Variants in TENM3 observed in about 807,000 individuals in gnomAD.
The protein encoded by TENM3 is teneurin transmembrane protein 3, also known as teneurin-3.
TENM3 carries 63 observed loss-of-function variants against 255.1 expected under a neutral mutation model. The observed-to-expected ratio is 0.25, with a 90% CI of 0.20 to 0.30. The LOEUF (loss-of-function observed/expected upper bound fraction) is 0.30, where lower values mean the gene tolerates loss of function less well. Among genes scored for constraint, TENM3 ranks in the 10% least tolerant of loss-of-function variants. The pLI is 1.00. For missense variants in TENM3, 2,929 were observed against 3,461.1 expected, an observed-to-expected ratio of 0.85 and a Z score of 3.86; for synonymous variants, 1,306 against 1,322.3, an observed-to-expected ratio of 0.99 and a Z score of 0.27.
chr4:182,386,307 G>A (rs72699952), intron 3 of TENM3, among the ~76,000 whole-genome samples: 12,660 of 152,272 alleles, frequency 0.083, 786 homozygotes, highest in African/African-American at 0.18. Context: ...ACACAGAAGG[G>A]ACAAGAAGTT....
intron 1 of TENM3, among the ~76,000 whole-genome samples, chr4:182,231,877 T>G (rs1452205107): frequency 1.3e-5 from 2 of 152,178 alleles, no homozygotes; most frequent in Non-Finnish European, 2.9e-5. Context: ...GATCTGGGTG[T>G]GAGATGAATC....
intron 1 of TENM3, among the ~76,000 whole-genome samples, chr4:182,155,282 A>G (rs1454453335): frequency 3.9e-5 from 6 of 152,152 alleles, no homozygotes. Context: ...GTTCACTATA[A>G]AAATTGCAAA....
rs368448425 is a variant in TENM3, at chr4:182,797,205, C to T, written c.7344+438C>T. 2.2e-4 allele frequency among the ~76,000 whole-genome samples: 33 copies of T among 152,150 alleles called. No individual in the cohort carries two copies. In the East Asian group the frequency reaches 3.5e-3, roughly 16 times the overall value. On this transcript the variant is annotated intron_variant, in intron 27 of 27. Coordinates refer to ENST00000511685, the MANE Select transcript of TENM3 (RefSeq NM_001080477.4). ...CTGTAATCCCAGCACTTTGGGAGGC[C>T]GAGGAGGTCGGATCACCTGAGGTCG...
At chr4:182,693,557 T>A (rs938539157) in intron 12 of TENM3, among the ~76,000 whole-genome samples, 2 of 152,154 alleles carry the variant, frequency 1.3e-5, no homozygotes, top group Non-Finnish European at 2.9e-5. Flanking sequence ...CAGGCTGGTG[T>A]CGAATTCCTG....
chr4:182,339,413 CTTAGCTCCCTCTT>C (rs1440622994), intron 2 of TENM3, among the ~76,000 whole-genome samples: 1 of 152,212 alleles, frequency 6.6e-6, no homozygotes, highest in Non-Finnish European at 1.5e-5. Flanking sequence ...TGGTTTTCCT[CTTAGCTCCCTCTT>C]TTAGCTCCCC....
chr4:181,849,949 T>TCTCTCTCTCTCACACAGACACA, the TENM3 span, among the ~76,000 whole-genome samples: 1 of 65,906 alleles, frequency 1.5e-5, no homozygotes, highest in African/African-American at 4.4e-5. Context: ...TCTCTCTCTC[T>TCTCTCTCTCTCACACAGACACA]CACACACACA....
At chr4:181,552,661 G>A in the TENM3 span, among the ~76,000 whole-genome samples, 1 of 152,096 alleles carries the variant, frequency 6.6e-6, no homozygotes, top group African/African-American at 2.4e-5. Flanking sequence ...GTTACTGGGG[G>A]GAAAATGGGC....
chr4:181,674,247 C>T, the TENM3 span, among the ~76,000 whole-genome samples: 1 of 152,156 alleles, frequency 6.6e-6, no homozygotes, highest in African/African-American at 2.4e-5. Context: ...ATCAGCCTGC[C>T]TTGGCCTCCC....
chr4:182,587,974 A>C (rs1224610587), intron 3 of TENM3, among the ~76,000 whole-genome samples: 1 of 152,092 alleles, frequency 6.6e-6, no homozygotes, highest in Non-Finnish European at 1.5e-5. Flanking sequence ...AATACAGTGA[A>C]GTTTTCATAA....
the TENM3 span, among the ~76,000 whole-genome samples, chr4:181,558,240 C>A: frequency 1.3e-5 from 2 of 152,028 alleles, no homozygotes; most frequent in Non-Finnish European, 2.9e-5. Context: ...AAGGTCCATG[C>A]CAAAAATTTG....
intron 1 of TENM3, among the ~76,000 whole-genome samples, chr4:182,289,397 G>T (rs1331853811): frequency 6.6e-6 from 1 of 152,240 alleles, no homozygotes; most frequent in Non-Finnish European, 1.5e-5. Flanking sequence ...GTGTGCGAGG[G>T]CGGAGGGTGA....
At chr4:182,086,102 T>TGG in the TENM3 span, among the ~76,000 whole-genome samples, 2 of 152,152 alleles carry the variant, frequency 1.3e-5, no homozygotes, top group Non-Finnish European at 2.9e-5. Flanking sequence ...TTGTTGGTTT[T>TGG]GGGGGGACTA....
intron 5 of TENM3, among the ~76,000 whole-genome samples, chr4:182,638,534 C>T (rs1271200245): frequency 1.3e-5 from 2 of 152,064 alleles, no homozygotes; most frequent in Non-Finnish European, 2.9e-5. Flanking sequence ...TACAGTGACT[C>T]GAAGAACAAG....
At chr4:182,667,126 A>G (rs1754762637) in intron 6 of TENM3, among the ~76,000 whole-genome samples, 1 of 152,198 alleles carries the variant, frequency 6.6e-6, no homozygotes, top group Admixed American at 6.5e-5. Context: ...TAGCCACCAT[A>G]TAATTTAACT....
rs772975960 is a variant in TENM3 at position 182,680,291 on chromosome 4, A to G, written c.1581A>G (p.Glu527=). 1.9e-6 allele frequency: 3 copies of G among 1,613,942 alleles called. No individual in the cohort carries two copies. In the South Asian group the frequency reaches 3.3e-5, roughly 18 times the overall value. The change falls in exon 9 of 28, where the codon GAA becomes GAG. Residue 527 remains glutamate, a synonymous_variant. Coordinates refer to ENST00000511685, the MANE Select transcript of TENM3 (RefSeq NM_001080477.4). ...ECPRNCHGNG[E]CVSGTCHCFP... ...CCCGAAATTGCCATGGAAATGGAGA[A>G]TGCGTTTCTGGAACTTGCCATTGTT...
intron 1 of TENM3, among the ~76,000 whole-genome samples, chr4:182,290,003 G>A (rs6850803): frequency 0.028 from 4,261 of 151,194 alleles, 204 homozygotes; most frequent in African/African-American, 0.098. Flanking sequence ...ACTCCCGCTC[G>A]TGCCCTACGG....
chr4:182,379,014 G>A (rs763648686), intron 3 of TENM3, among the ~76,000 whole-genome samples: 4 of 152,168 alleles, frequency 2.6e-5, no homozygotes, highest in Non-Finnish European at 5.9e-5. Flanking sequence ...AGTTCTAAGC[G>A]GGAAGATCGA....
intron 2 of TENM3, among the ~76,000 whole-genome samples, chr4:182,328,493 G>A (rs1763554837): frequency 6.6e-6 from 1 of 152,166 alleles, no homozygotes; most frequent in African/African-American, 2.4e-5. Flanking sequence ...TAGGATTACA[G>A]GCGTGAGCCA....
At chr4:182,128,112 A>C in the TENM3 span, among the ~76,000 whole-genome samples, 1 of 151,964 alleles carries the variant, frequency 6.6e-6, no homozygotes, top group African/African-American at 2.4e-5. Flanking sequence ...ATGATGTTTC[A>C]CTTTTTTTGT....
Sources: allele counts gnomAD v4.1 joint callset (sites outside exome capture counted in the v4.1 genomes callset), GRCh38; gene constraint gnomAD v4.1.1; transcripts MANE v1.5; gene names NCBI Gene and HGNC (gene_info 2026-07-23, HGNC 2026-07-21).